The following GCSAM variants were observed in gnomAD, a reference collection of about 807,000 sequenced individuals.
GCSAM encodes germinal center associated signaling and motility, also known as germinal center-associated signaling and motility protein.
A neutral mutation model predicts 17.6 loss-of-function variants in GCSAM; 8 were observed. The observed-to-expected ratio is 0.46, with a 90% CI of 0.27 to 0.82. The LOEUF (loss-of-function observed/expected upper bound fraction) is 0.82, where lower values mean the gene tolerates loss of function less well. Ranked by LOEUF, GCSAM falls within the 40% of genes least tolerant of loss-of-function variation. GCSAM has a pLI of 0.15. For missense variants in GCSAM, 192 were observed against 213.5 expected (o/e 0.90, Z 0.63); for synonymous variants, 68 against 69.0 (o/e 0.98, Z 0.07).
Position 112,121,050 on chromosome 3 carries a change from TATA to T in GCSAM, c.*2402_*2404del. 1 of 152,314 alleles carries T rather than the reference TATA, an allele frequency of 6.6e-6. No homozygotes were observed. Among genetic ancestry groups the T allele is most frequent in the South Asian group, 2.1e-4 (1 of 4,820 alleles). 9.4% of individuals were successfully genotyped at this position (152,314 alleles called of 1,614,324 possible). On this transcript the variant is annotated 3_prime_UTR_variant, in exon 6 of 6. Transcript: ENST00000308910. The stretch of plus-strand genomic sequence containing the variant: ...AGTAATTCCCTTTCATAATCCCTCT[TATA>T]ATTCCCTCTTATAAATCCCTGTTAT...
At chr3:112,132,128 T>C (rs1032052193) in intron 1 of GCSAM, among the ~76,000 whole-genome samples, 2 of 152,056 alleles carry the variant, frequency 1.3e-5, no homozygotes, top group Non-Finnish European at 2.9e-5. Flanking sequence ...AATGCTAGAG[T>C]AGAAGATTGA....
intron 2 of GCSAM, chr3:112,130,168 A>T: frequency 2.4e-6 from 1 of 409,840 alleles, no homozygotes; most frequent in Non-Finnish European, 4.5e-6. Flanking sequence ...TGACAACAGG[A>T]AATAAGACCT....
chr3:112,120,926 CT>C lies in GCSAM; in HGVS notation c.*2528del, dbSNP rs961512244. On this transcript the variant is annotated 3_prime_UTR_variant, in exon 6 of 6. Coordinates refer to ENST00000308910, the MANE Select transcript of GCSAM (RefSeq NM_152785.5). Reference sequence around the variant, plus strand: ...ACACTCATATCAGAATTTTTTAACTCTTTTTTTGTTCTTAATATTATTTTTG... The same window carrying C: ...ACACTCATATCAGAATTTTTTAACTCTTTTTTGTTCTTAATATTATTTTTG... 3 of 152,138 alleles carry C rather than the reference CT, an allele frequency of 2.0e-5. No homozygotes were observed. Among genetic ancestry groups the C allele is most frequent in the African/African-American group, 7.2e-5 (3 of 41,510 alleles). 9.4% of individuals were successfully genotyped at this position (152,138 alleles called of 1,614,324 possible).
chr3:112,130,794 G>A (rs150225571), intron 1 of GCSAM: 5 of 452,506 alleles, frequency 1.1e-5, no homozygotes, highest in Non-Finnish European at 2.0e-5. Context: ...AGGGATCCTC[G>A]TCATGACCCT....
In GCSAM at chr3:112,127,602, G is replaced by C. The variant is rs186884061; in HGVS notation, c.143+415C>G. On this transcript the variant is annotated intron_variant, in intron 3 of 5. Transcript: ENST00000308910. The stretch of plus-strand genomic sequence containing the variant: ...TGAAGGTCATTATCAATCACTTAGC[G>C]AGCTTTAACTATTTTTAGCATCCCT... Among the ~76,000 whole-genome samples the C allele has an allele frequency of 2.5e-3, 384 of 152,272 alleles. 2 individuals carry two copies. Among genetic ancestry groups the C allele is most frequent in the Middle Eastern group, 6.8e-3 (2 of 294 alleles).
At chr3:112,127,337 C>T (rs1218171893) in intron 3 of GCSAM, among the ~76,000 whole-genome samples, 1 of 151,974 alleles carries the variant, frequency 6.6e-6, no homozygotes, top group Admixed American at 6.6e-5. Flanking sequence ...TTTTTTCTGA[C>T]AAAGTATCAA....
chr3:112,127,254 C>A (rs1366464493), intron 3 of GCSAM, among the ~76,000 whole-genome samples: 1 of 152,152 alleles, frequency 6.6e-6, no homozygotes, highest in Non-Finnish European at 1.5e-5. Flanking sequence ...TCCTCTCTTT[C>A]TTTTCTAAAT....
In GCSAM at chr3:112,130,471, C is replaced by T. The variant is rs150107971; in HGVS notation, c.72G>A (p.Met24Ile). The change falls in exon 2 of 6, where the codon ATG becomes ATA. Residue 24 changes from methionine (M) to isoleucine (I), a missense_variant. Physicochemically the swap from Met to Ile is conservative, Grantham distance 10. Coordinates refer to ENST00000308910, the MANE Select transcript of GCSAM (RefSeq NM_152785.5). Reference protein sequence around the residue: ...NTQEMPWNVRMQSPKQRTSRC... With the variant: ...NTQEMPWNVRIQSPKQRTSRC... ...TGGATGTTCTCTGTTTGGGGCTTTG[C>T]ATTCTCACATTCCAAGGCATCTCTT... is the stretch of plus-strand genomic sequence containing the variant. 169 of 1,613,914 alleles carry T rather than the reference C, an allele frequency of 1.0e-4. No individual in the cohort carries two copies. Among genetic ancestry groups the T allele is most frequent in the Non-Finnish European group, 1.1e-4 (126 of 1,179,922 alleles).
chr3:112,132,803 C>G, intron 1 of GCSAM: 5 of 395,934 alleles, frequency 1.3e-5, no homozygotes, highest in Non-Finnish European at 1.9e-5. Context: ...AAAGTTGTTT[C>G]ATTTCTTAGG....
intron 3 of GCSAM, 46 bp from the exon 4 acceptor site, chr3:112,127,079 T>C (rs776291594): frequency 8.0e-7 from 1 of 1,246,764 alleles, no homozygotes; most frequent in Admixed American, 1.8e-5. Context: ...TCAGAAACTC[T>C]CAAAGGAAAT....
intron 4 of GCSAM, among the ~76,000 whole-genome samples, chr3:112,126,619 T>A (rs1420515570): frequency 6.6e-6 from 1 of 152,198 alleles, no homozygotes; most frequent in Non-Finnish European, 1.5e-5. Context: ...CCTGCAGCTG[T>A]CAGGACAAAG....
At chr3:112,127,118 CTCTTT>C in intron 3 of GCSAM, 85 bp from the exon 4 acceptor site, 1 of 850,816 alleles carries the variant, frequency 1.2e-6, no homozygotes, top group Non-Finnish European at 1.9e-6. Context: ...TTACTTTTAA[CTCTTT>C]GTTAAAGTTA....
intron 2 of GCSAM, chr3:112,129,954 A>G (rs112960736): frequency 1.3e-5 from 2 of 154,494 alleles, no homozygotes; most frequent in African/African-American, 4.8e-5. Context: ...AGGGCTGGAC[A>G]TTTGAAAGGT....
intron 1 of GCSAM, chr3:112,131,031 T>A (rs569758271): frequency 6.3e-6 from 1 of 158,912 alleles, no homozygotes; most frequent in East Asian, 1.8e-4. Context: ...GATTTCTGTA[T>A]ACCCATCTTC....
chr3:112,123,814 G>C (rs1025030331), intron 5 of GCSAM, 42 bp from the exon 6 acceptor site: 3 of 1,578,582 alleles, frequency 1.9e-6, no homozygotes, highest in Non-Finnish European at 8.6e-7. Flanking sequence ...TTGGTCTCTT[G>C]CCATGACCTT....
intron 4 of GCSAM, 114 bp downstream of exon 4, chr3:112,126,873 T>C: frequency 1.3e-6 from 1 of 774,736 alleles, no homozygotes; most frequent in Non-Finnish European, 2.3e-6. Flanking sequence ...TAAAGCAAAA[T>C]GTGTAGATAT....
chr3:112,123,443 C>A lies in GCSAM; in HGVS notation c.*12G>T, dbSNP rs748815539. 2.5e-6 allele frequency: 4 copies of A among 1,611,180 alleles called. No individual in the cohort carries two copies. In the East Asian group the frequency reaches 6.7e-5, roughly 27 times the overall value. On this transcript the variant is annotated 3_prime_UTR_variant, in exon 6 of 6. Coordinates refer to ENST00000308910, the MANE Select transcript of GCSAM (RefSeq NM_152785.5). ...TTGTTGGTGCTAAACAAATGCTAGTCCAGCCACTTCACTATAAATGGGAAA... is the reference window on the plus strand; with the variant it reads ...TTGTTGGTGCTAAACAAATGCTAGTACAGCCACTTCACTATAAATGGGAAA...
chr3:112,129,141 G>A (rs772371523), intron 2 of GCSAM: 4 of 152,254 alleles, frequency 2.6e-5, no homozygotes, highest in South Asian at 2.1e-4. Context: ...GCTTCAGACC[G>A]TTTGCTTACA....
rs540229085 is a variant in GCSAM, at chr3:112,126,532, C to G, written c.190+455G>C. 2.4e-4 allele frequency among the ~76,000 whole-genome samples: 37 copies of G among 152,308 alleles called. No homozygotes were observed. In the South Asian group the frequency reaches 7.7e-3, roughly 32 times the overall value. On this transcript the variant is annotated intron_variant, in intron 4 of 5. Coordinates refer to ENST00000308910, the MANE Select transcript of GCSAM (RefSeq NM_152785.5). ...TCCTTGCTGCAATTTGTTTTCTGCA[C>G]AGGAACCTGGGTGATATCTTTAATA...
Sources: gnomAD v4.1 joint callset for allele counts (sites outside exome capture counted in the v4.1 genomes callset) on GRCh38, gnomAD v4.1.1 for gene constraint, MANE v1.5 for transcripts, NCBI Gene and HGNC (gene_info 2026-07-23, HGNC 2026-07-21) for gene names.